The following MME variants were observed in gnomAD, a reference collection of about 807,000 sequenced individuals.
MME encodes the protein membrane metalloendopeptidase.
Under a neutral mutation model 113.2 loss-of-function variants are expected in MME, and 98 were observed. The ratio of observed to expected loss-of-function variants is 0.87; its 90% confidence interval spans 0.74 to 1.02. MME has a LOEUF of 1.02. Ranked by LOEUF, MME falls within the 50% of genes least tolerant of loss-of-function variation. The pLI, the probability that MME is intolerant of heterozygous loss-of-function variation, is 0.00. For missense variants in MME, 836 were observed against 896.0 expected, an observed-to-expected ratio of 0.93 and a Z score of 0.86; for synonymous variants, 292 against 300.6, an observed-to-expected ratio of 0.97 and a Z score of 0.30.
intron 22 of MME, among the ~76,000 whole-genome samples, chr3:155,173,116 G>A (rs149802606): frequency 6.6e-6 from 1 of 152,196 alleles, no homozygotes; most frequent in East Asian, 1.9e-4. Context: ...GCTCTACAGA[G>A]TAGAAAACTG....
At chr3:155,139,616 G>C (rs1720899203) in intron 9 of MME, among the ~76,000 whole-genome samples, 1 of 152,168 alleles carries the variant, frequency 6.6e-6, no homozygotes, top group Admixed American at 6.5e-5. Flanking sequence ...ATTGGATGCT[G>C]CTGGTCTGGC....
chr3:155,071,668 T>TCAC (rs1232984788), intron 1 of MME, among the ~76,000 whole-genome samples: 1 of 152,066 alleles, frequency 6.6e-6, no homozygotes, highest in Non-Finnish European at 1.5e-5. Flanking sequence ...TATCCACAAC[T>TCAC]CACCACCACC....
intron 1 of MME, among the ~76,000 whole-genome samples, chr3:155,058,387 T>G (rs905991965): frequency 5.9e-5 from 9 of 152,188 alleles, no homozygotes; most frequent in Non-Finnish European, 1.3e-4. Context: ...CAAAGTCCAG[T>G]TCTAAATAAA....
intron 1 of MME, among the ~76,000 whole-genome samples, chr3:155,049,851 G>A (rs1406740697): frequency 6.6e-6 from 1 of 151,976 alleles, no homozygotes; most frequent in Admixed American, 6.6e-5. Flanking sequence ...TTTGTTTAAG[G>A]TTCAGGGGTA....
chr3:155,042,177 A>G (rs1366276133), intron 1 of MME, among the ~76,000 whole-genome samples: 3 of 152,154 alleles, frequency 2.0e-5, no homozygotes, highest in East Asian at 3.8e-4. Flanking sequence ...AGTTTTCCCA[A>G]TGCCTCTTTC....
chr3:155,084,105 A>G, intron 1 of MME, 53 bp from the exon 2 acceptor site: 2 of 1,401,594 alleles, frequency 1.4e-6, no homozygotes, highest in South Asian at 1.2e-5. Flanking sequence ...GCATTTGGAC[A>G]TTTTCTTTTT....
At chr3:155,171,200 A>G (rs1166824974) in intron 20 of MME, among the ~76,000 whole-genome samples, 1 of 152,212 alleles carries the variant, frequency 6.6e-6, no homozygotes, top group Non-Finnish European at 1.5e-5. Context: ...ATATTTTATT[A>G]CACTTTGAAA....
intron 8 of MME, among the ~76,000 whole-genome samples, chr3:155,122,118 A>T (rs1234981792): frequency 3.0e-5 from 4 of 135,500 alleles, no homozygotes; most frequent in Non-Finnish European, 6.3e-5. Flanking sequence ...CTATTCAGAG[A>T]TTCAACTTCT....
intron 3 of MME, among the ~76,000 whole-genome samples, chr3:155,105,675 T>C (rs1333285240): frequency 6.6e-6 from 1 of 152,188 alleles, no homozygotes; most frequent in Admixed American, 6.5e-5. Flanking sequence ...CTATGTGAAC[T>C]TGGGCACAAA....
chr3:155,159,632 T>C (rs16824648), intron 16 of MME, among the ~76,000 whole-genome samples: 4,987 of 152,042 alleles, frequency 0.033, 122 homozygotes, highest in East Asian at 0.11. Flanking sequence ...TTTCCATTTT[T>C]TCATTCAGCC....
At chr3:155,070,440 C>G (rs1714515060) in intron 1 of MME, among the ~76,000 whole-genome samples, 1 of 152,074 alleles carries the variant, frequency 6.6e-6, no homozygotes, top group African/African-American at 2.4e-5. Flanking sequence ...TAAAAGTGTT[C>G]TTTTTGCTTG....
At chr3:155,026,784 C>T (rs1249783122) in intron 1 of MME, among the ~76,000 whole-genome samples, 2 of 152,102 alleles carry the variant, frequency 1.3e-5, no homozygotes, top group Non-Finnish European at 1.5e-5. Flanking sequence ...AAGTAATACC[C>T]TCATCCAGCT....
rs1713301194 is a variant in MME at position 155,183,628 on chromosome 3, C to T, written c.*3169C>T. On this transcript the variant is annotated 3_prime_UTR_variant, in exon 23 of 23. Transcript: ENST00000360490. ...TTGGAAAGAAGAAAGACTCTATTCT[C>T]AAAGTTTCCTAATCAGAAATTTTTA... The T allele has an allele frequency of 6.6e-6, 1 of 152,176 alleles. No individual in the cohort carries two copies. Among genetic ancestry groups the T allele is most frequent in the Non-Finnish European group, 1.5e-5 (1 of 68,026 alleles). The allele number at this position is 152,176 out of a possible 1,614,324, so 9.4% of individuals were successfully genotyped here. A position where few individuals can be genotyped will look rare whatever the true frequency, so the allele number is the denominator to read the frequency against.
chr3:155,131,590 G>A (rs866454220), intron 8 of MME, among the ~76,000 whole-genome samples: 2 of 152,172 alleles, frequency 1.3e-5, no homozygotes, highest in South Asian at 4.1e-4. Context: ...AGCCCCCCAA[G>A]CATGGAATAA....
At chr3:155,162,990 G>A (rs1722822605) in intron 17 of MME, among the ~76,000 whole-genome samples, 2 of 141,960 alleles carry the variant, frequency 1.4e-5, no homozygotes, top group Admixed American at 7.3e-5. Context: ...TCCAGCCTGG[G>A]TGACAAAACA....
chr3:155,082,470 C>T (rs1386321147), intron 1 of MME, among the ~76,000 whole-genome samples: 1 of 152,092 alleles, frequency 6.6e-6, no homozygotes, highest in Non-Finnish European at 1.5e-5. Context: ...ATTTGTTCCC[C>T]TCTTTCCTTT....
chr3:155,051,163 G>A (rs1395721116), intron 1 of MME, among the ~76,000 whole-genome samples: 2 of 152,160 alleles, frequency 1.3e-5, no homozygotes, highest in Non-Finnish European at 2.9e-5. Context: ...GTATGCTCTA[G>A]AAGTAAGAAC....
chr3:155,125,187 G>A (rs1719521221), intron 8 of MME, among the ~76,000 whole-genome samples: 1 of 148,652 alleles, frequency 6.7e-6, no homozygotes, highest in South Asian at 2.2e-4. Context: ...TTTTCCAGGT[G>A]CGTCCGTCAC....
At chr3:155,125,979 A>T (rs999419568) in intron 8 of MME, among the ~76,000 whole-genome samples, 12 of 152,190 alleles carry the variant, frequency 7.9e-5, no homozygotes, top group African/African-American at 2.9e-4. Context: ...TATGTTTATG[A>T]TTGGCATTTA....
Sources: allele counts gnomAD v4.1 joint callset (sites outside exome capture counted in the v4.1 genomes callset), GRCh38; gene constraint gnomAD v4.1.1; transcripts MANE v1.5; gene names NCBI Gene and HGNC (gene_info 2026-07-23, HGNC 2026-07-21).